The following RNF122 variants were observed in gnomAD, a reference collection of about 807,000 sequenced individuals.
RNF122 encodes the protein ring finger protein 122.
In RNF122, 17 loss-of-function variants were observed where a neutral mutation model predicts 24.2. That is an observed-to-expected ratio of 0.70 (90% CI 0.48 to 1.06). The LOEUF is 1.06. Ranked by LOEUF, RNF122 falls within the 50% of genes least tolerant of loss-of-function variation. The pLI is 0.00. For synonymous variants in RNF122, 65 were observed against 71.8 expected (o/e 0.91, Z 0.48); for missense variants, 168 against 198.1 (o/e 0.85, Z 0.91).
rs201319122 is a variant in RNF122, at chr8:33,558,691, T to C, written c.106A>G (p.Asn36Asp). ...GTGCCGAAGATGACCATATAGATGT[T>C]GAGCGGAAGGTCCTGGAAACTGATG... is the stretch of plus-strand genomic sequence containing the variant. Reference protein sequence around the residue: ...PPISFQDLPLNIYMVIFGTGI... With the variant: ...PPISFQDLPLDIYMVIFGTGI... The change falls in exon 2 of 6, where the codon AAC (asparagine) becomes GAC (aspartate). Residue 36 changes from asparagine (N) to aspartate (D), a missense_variant. Transcript: ENST00000256257. 1.9e-6 allele frequency: 3 copies of C among 1,612,476 alleles called. No individual in the cohort carries two copies. The highest frequency in any genetic ancestry group is 1.7e-4 in the Middle Eastern group (1 of 6,056).
In RNF122 at chr8:33,566,889, C is replaced by G. The variant is rs1458728732; in HGVS notation, c.-166G>C. On this transcript the variant is annotated 5_prime_UTR_variant, in exon 1 of 6. Coordinates refer to ENST00000256257, the MANE Select transcript of RNF122 (RefSeq NM_024787.3). The stretch of plus-strand genomic sequence containing the variant: ...CTCCCTCCGGAGTGGGGGGCTTTGA[C>G]GAGGCTGGTGTTCAGCCCAACAAAG... 1.7e-5 allele frequency: 12 copies of G among 720,338 alleles called. No individual in the cohort carries two copies. The highest frequency in any genetic ancestry group is 5.0e-5 in the South Asian group (3 of 59,722). 44.6% of individuals were successfully genotyped at this position (720,338 alleles called of 1,614,324 possible).
chr8:33,549,935 G>GTT (rs776996573), intron 4 of RNF122, among the ~76,000 whole-genome samples: 20 of 140,120 alleles, frequency 1.4e-4, no homozygotes, highest in Non-Finnish European at 1.9e-4. Flanking sequence ...GATCAGTTAT[G>GTT]TTTTTTTTTT....
intron 2 of RNF122, among the ~76,000 whole-genome samples, chr8:33,557,806 G>T (rs984317618): frequency 1.6e-4 from 25 of 151,948 alleles, no homozygotes; most frequent in African/African-American, 4.8e-4. Flanking sequence ...GTTTGTTTTG[G>T]TTTTTTCCAC....
At chr8:33,566,620 C>A in intron 1 of RNF122, 79 bp downstream of exon 1, 1 of 1,435,228 alleles carries the variant, frequency 7.0e-7, no homozygotes, top group African/African-American at 1.4e-5. Context: ...AGGACCAGCG[C>A]GCTGCTGTCC....
intron 2 of RNF122, 46 bp downstream of exon 2, chr8:33,558,569 T>A: frequency 3.3e-6 from 5 of 1,524,630 alleles, no homozygotes; most frequent in Non-Finnish European, 4.4e-6. Context: ...CCTGGTCTCC[T>A]CCCTCCTGCT....
At chr8:33,552,876 T>C (rs1274235208) in intron 2 of RNF122, among the ~76,000 whole-genome samples, 2 of 151,212 alleles carry the variant, frequency 1.3e-5, no homozygotes, top group Non-Finnish European at 3.0e-5. Flanking sequence ...CTGGGCAACA[T>C]GGCAGAACCC....
At chr8:33,553,951 C>G (rs1210247576) in intron 2 of RNF122, among the ~76,000 whole-genome samples, 1 of 152,180 alleles carries the variant, frequency 6.6e-6, no homozygotes, top group African/African-American at 2.4e-5. Flanking sequence ...CCCACAATAT[C>G]CTTTCTGCTT....
At chr8:33,564,325 A>C (rs551901691) in intron 1 of RNF122, among the ~76,000 whole-genome samples, 1 of 152,230 alleles carries the variant, frequency 6.6e-6, no homozygotes, top group South Asian at 2.1e-4. Context: ...TGGTGGGAGG[A>C]CTGCTTGAGC....
intron 2 of RNF122, among the ~76,000 whole-genome samples, chr8:33,556,196 A>G (rs1263233585): frequency 1.3e-5 from 2 of 150,878 alleles, no homozygotes; most frequent in African/African-American, 2.5e-5. Flanking sequence ...AAAAAAAAAA[A>G]AAAAAAAAGA....
rs1243053278 is a variant in RNF122 at position 33,565,900 on chromosome 8, C to CTGGA, written c.25+795_25+798dup. 3.3e-5 allele frequency among the ~76,000 whole-genome samples: 5 copies of CTGGA among 152,310 alleles called. No individual in the cohort carries two copies. In the East Asian group the frequency reaches 7.7e-4, roughly 24 times the overall value. On this transcript the variant is annotated intron_variant, in intron 1 of 5. Coordinates refer to ENST00000256257, the MANE Select transcript of RNF122 (RefSeq NM_024787.3). Reference sequence around the variant, plus strand: ...TGGAGTTTCGCTCTTGTTGCCCAGGCTGGAGTGTAATGGCACGATCTAGGC... The same window carrying CTGGA: ...TGGAGTTTCGCTCTTGTTGCCCAGGCTGGATGGAGTGTAATGGCACGATCTAGGC...
intron 1 of RNF122, among the ~76,000 whole-genome samples, chr8:33,564,391 G>GATTA (rs72184063): frequency 1.3e-5 from 2 of 151,098 alleles, no homozygotes; most frequent in East Asian, 2.0e-4. Context: ...CCAAAAAGTA[G>GATTA]ATTAATTAAT....
At chr8:33,560,825 G>A (rs78795401) in intron 1 of RNF122, among the ~76,000 whole-genome samples, 3,843 of 152,166 alleles carry the variant, frequency 0.025, 104 homozygotes, top group East Asian at 0.13. Context: ...AGCTACTCGG[G>A]AGGTTGAGGT....
At chr8:33,560,061 C>T (rs188979387) in intron 1 of RNF122, among the ~76,000 whole-genome samples, 5 of 152,166 alleles carry the variant, frequency 3.3e-5, no homozygotes, top group South Asian at 2.1e-4. Flanking sequence ...AGGCTGGTCT[C>T]GAACTCTTGA....
chr8:33,553,920 T>TCC (rs1448024364), intron 2 of RNF122, among the ~76,000 whole-genome samples: 1 of 152,142 alleles, frequency 6.6e-6, no homozygotes, highest in Non-Finnish European at 1.5e-5. Context: ...CCATCCACCG[T>TCC]CCCCTCCCCT....
At position 33,548,482 on chromosome 8, in the gene RNF122, A is replaced by T; in HGVS notation, c.*271T>A. The T allele has an allele frequency of 5.9e-6, 2 of 341,578 alleles. No homozygotes were observed. The highest frequency in any genetic ancestry group is 1.1e-5 in the Non-Finnish European group (2 of 183,764). The allele number at this position is 341,578 out of a possible 1,614,324, so 21.2% of individuals were successfully genotyped here. ...CCTTCCCCCAGAACAGGGACAAGGCAGGTAGATAGTCCAGTACCAGGAGAC... is the reference window on the plus strand; with the variant it reads ...CCTTCCCCCAGAACAGGGACAAGGCTGGTAGATAGTCCAGTACCAGGAGAC... On this transcript the variant is annotated 3_prime_UTR_variant, in exon 6 of 6. Coordinates refer to ENST00000256257, the MANE Select transcript of RNF122 (RefSeq NM_024787.3).
chr8:33,566,011 T>C (rs1239417674), intron 1 of RNF122, among the ~76,000 whole-genome samples: 1 of 152,174 alleles, frequency 6.6e-6, no homozygotes, highest in Non-Finnish European at 1.5e-5. Flanking sequence ...GCGCCACCAC[T>C]CCCGGCTAAT....
chr8:33,566,930 A>G lies in RNF122; in HGVS notation c.-207T>C. On this transcript the variant is annotated 5_prime_UTR_variant, in exon 1 of 6. Coordinates refer to ENST00000256257, the MANE Select transcript of RNF122 (RefSeq NM_024787.3). ...CCCAACAAAGAGGGACGAGGAGGAAACAAACAAAGTCCCGCGGAGCACAGC... is the reference window on the plus strand; with the variant it reads ...CCCAACAAAGAGGGACGAGGAGGAAGCAAACAAAGTCCCGCGGAGCACAGC... 3 of 612,614 alleles carry G rather than the reference A, an allele frequency of 4.9e-6. No homozygotes were observed. Among genetic ancestry groups the G allele is most frequent in the Non-Finnish European group, 8.8e-6 (3 of 342,376 alleles). The allele number at this position is 612,614 out of a possible 1,614,324, so 37.9% of individuals were successfully genotyped here. A position where few individuals can be genotyped will look rare whatever the true frequency, so the allele number is the denominator to read the frequency against.
chr8:33,556,888 G>A (rs1476910922), intron 2 of RNF122, among the ~76,000 whole-genome samples: 1 of 152,180 alleles, frequency 6.6e-6, no homozygotes, highest in Non-Finnish European at 1.5e-5. Context: ...GGGAGTGGTG[G>A]GGAGATGTGC....
Position 33,558,857 on chromosome 8 carries a change from G to T in RNF122, c.26-86C>A, listed in dbSNP as rs531666793. Reference sequence around the variant, plus strand: ...CTGTGTCAGCAGGATAGAAATAACTGGCAGGCTCTGGGCACCTAAGCCTCA... The same window carrying T: ...CTGTGTCAGCAGGATAGAAATAACTTGCAGGCTCTGGGCACCTAAGCCTCA... On this transcript the variant is annotated intron_variant, in intron 1 of 5. Coordinates refer to ENST00000256257, the MANE Select transcript of RNF122 (RefSeq NM_024787.3). 11 of 1,106,954 alleles carry T rather than the reference G, an allele frequency of 9.9e-6. No individual in the cohort carries two copies. The South Asian group carries it at 2.4e-4, about 24-fold the overall frequency. The allele number at this position is 1,106,954 out of a possible 1,614,324, so 68.6% of individuals were successfully genotyped here. A position where few individuals can be genotyped will look rare whatever the true frequency, so the allele number is the denominator to read the frequency against.
Sources: gnomAD v4.1 joint callset for allele counts (sites outside exome capture counted in the v4.1 genomes callset) on GRCh38, gnomAD v4.1.1 for gene constraint, MANE v1.5 for transcripts, NCBI Gene and HGNC (gene_info 2026-07-23, HGNC 2026-07-21) for gene names.